The following NTRK1 variants were observed in gnomAD, a reference collection of about 807,000 sequenced individuals.
The protein encoded by NTRK1 is high affinity nerve growth factor receptor.
Under a neutral mutation model 86.8 loss-of-function variants are expected in NTRK1, and 62 were observed. The observed-to-expected ratio is 0.71, with a 90% confidence interval of 0.58 to 0.88. The LOEUF (loss-of-function observed/expected upper bound fraction) is 0.88. Among genes scored for constraint, NTRK1 ranks in the 40% least tolerant of loss-of-function variants. The probability of loss-of-function intolerance (pLI) is 0.00; values close to 1 mark genes in which losing one functional copy is unlikely to be tolerated. For synonymous variants in NTRK1, 469 were observed against 456.6 expected (o/e 1.03, Z -0.35); for missense variants, 967 against 1,078.4 (o/e 0.90, Z 1.45).
intron 2 of NTRK1, chr1:156,849,560 C>A: frequency 2.3e-6 from 2 of 859,670 alleles, no homozygotes; most frequent in Non-Finnish European, 3.7e-6. Context: ...TTGCTGGGCC[C>A]GGGGAGAGGG....
At chr1:156,821,005 A>G (rs1654173910) in intron 1 of NTRK1, among the ~76,000 whole-genome samples, 1 of 152,130 alleles carries the variant, frequency 6.6e-6, no homozygotes, top group African/African-American at 2.4e-5. Context: ...TTTTCTTTGT[A>G]GAGTTCCTTG....
At chr1:156,877,977 G>C (rs1648019087) in intron 14 of NTRK1, among the ~76,000 whole-genome samples, 1 of 152,180 alleles carries the variant, frequency 6.6e-6, no homozygotes. Flanking sequence ...CTATCTCTTT[G>C]CTCCCAGACA....
chr1:156,850,088 G>C (rs770811860), intron 2 of NTRK1, among the ~76,000 whole-genome samples: 9 of 152,082 alleles, frequency 5.9e-5, no homozygotes, highest in Admixed American at 2.6e-4. Flanking sequence ...TTTTTATAGA[G>C]ACAGAGTTTC....
At chr1:156,816,736 G>A in intron 1 of NTRK1, 1 of 1,586,528 alleles carries the variant, frequency 6.3e-7, no homozygotes, top group Non-Finnish European at 8.6e-7. Flanking sequence ...GGATCCCAGA[G>A]CAGGGTGTGT....
At chr1:156,874,509 G>A (rs1647771307) in intron 9 of NTRK1, 62 bp from the exon 10 acceptor site, 2 of 1,612,408 alleles carry the variant, frequency 1.2e-6, no homozygotes, top group African/African-American at 1.3e-5. Context: ...GCCAGGGTTG[G>A]GGGGTTACTG....
chr1:156,859,432 A>G (rs947765794), upstream of NTRK1, among the ~76,000 whole-genome samples: 1 of 151,890 alleles, frequency 6.6e-6, no homozygotes. This position sits in a 1 kb window ranked among gnomAD's most constrained non-coding sequence, Gnocchi z 6.2. Flanking sequence ...GCTTCTGGGG[A>G]GCGCTGTGTC....
chr1:156,850,276 A>C (rs958588297), intron 2 of NTRK1, among the ~76,000 whole-genome samples: 2 of 152,028 alleles, frequency 1.3e-5, no homozygotes, highest in Non-Finnish European at 2.9e-5. Context: ...TAGTGGCACG[A>C]TCTCAGCTCA....
intron 6 of NTRK1, among the ~76,000 whole-genome samples, chr1:156,871,254 T>C (rs1010481223): frequency 6.6e-6 from 1 of 152,206 alleles, no homozygotes; most frequent in African/African-American, 2.4e-5. Context: ...ATTTTTCAGA[T>C]AATTAAATAC....
intron 1 of NTRK1, among the ~76,000 whole-genome samples, chr1:156,818,658 TC>T (rs1392169537): frequency 2.0e-5 from 3 of 152,232 alleles, no homozygotes; most frequent in African/African-American, 7.2e-5. Context: ...ATTATTTCGT[TC>T]TTTTTTTGGC....
At chr1:156,867,368 C>T (rs1445765237) in intron 4 of NTRK1, among the ~76,000 whole-genome samples, 2 of 152,244 alleles carry the variant, frequency 1.3e-5, no homozygotes, top group Non-Finnish European at 2.9e-5. Context: ...CCCTTCCCTC[C>T]TTGTCACCAT....
intron 8 of NTRK1, 150 bp downstream of exon 8, chr1:156,874,109 C>T (rs1647745757): frequency 3.3e-6 from 3 of 919,878 alleles, no homozygotes; most frequent in East Asian, 5.3e-5. Flanking sequence ...GTTCTGGCCT[C>T]CTTACCCTCT....
At chr1:156,863,556 C>T (rs1655782479) in intron 1 of NTRK1, among the ~76,000 whole-genome samples, 2 of 152,192 alleles carry the variant, frequency 1.3e-5, no homozygotes, top group South Asian at 4.2e-4. Context: ...GCCTGTAAGA[C>T]TCTTGCTTGA....
Position 156,868,264 on chromosome 1 carries a change from AG to A in NTRK1, c.574+18del. 6.2e-7 allele frequency: 1 copy of A among 1,606,030 alleles called. No homozygotes were observed. ...TGCCAGCTGTGGTAGGTGCCGGGTG[AG>A]GGAGGTGGTGTAAGGGGGCTGGGGA... On this transcript the variant is annotated intron_variant, in intron 5 of 16. Transcript: ENST00000524377.
rs374374158 is a variant in NTRK1 at position 156,816,128 on chromosome 1, A to G, written c.-64+290A>G. The G allele has an allele frequency of 2.2e-5, 35 of 1,592,680 alleles. No individual in the cohort carries two copies. The African/African-American group carries it at 4.6e-4, about 21-fold the overall frequency. ...ACAAAGAGGGCTGCCGGGGTTTCTC[A>G]GAGAGGAACTATGTCTGTCTCTGCC... On this transcript the variant is annotated intron_variant, in intron 1 of 16. Coordinates refer to the NTRK1 transcript ENST00000392302.
chr1:156,820,546 C>A (rs915497461), intron 1 of NTRK1, among the ~76,000 whole-genome samples: 3 of 152,140 alleles, frequency 2.0e-5, no homozygotes, highest in African/African-American at 4.8e-5. Flanking sequence ...CACATCCAGC[C>A]CCCCCAATGT....
intron 2 of NTRK1, chr1:156,849,387 TG>T (rs1347755226): frequency 6.8e-6 from 11 of 1,612,754 alleles, no homozygotes; most frequent in Non-Finnish European, 8.5e-6. Flanking sequence ...CCCACGGGAA[TG>T]GTGAGCCCCG....
intron 4 of NTRK1, among the ~76,000 whole-genome samples, chr1:156,867,747 C>T (rs1051569314): frequency 3.3e-5 from 5 of 151,832 alleles, no homozygotes; most frequent in African/African-American, 9.7e-5. Context: ...CATCTCGGCT[C>T]ACTGCAAGCT....
chr1:156,843,921 C>A (rs1286138553), intron 2 of NTRK1, among the ~76,000 whole-genome samples: 1 of 152,224 alleles, frequency 6.6e-6, no homozygotes, highest in Non-Finnish European at 1.5e-5. Context: ...GACCAACAAT[C>A]CCAGTGTGGC....
In NTRK1 at chr1:156,821,453, C is replaced by CTGTGTGTGTGTG. The variant is rs59579534; in HGVS notation, c.-64+5645_-64+5656dup. On this transcript the variant is annotated intron_variant, in intron 1 of 16. Coordinates refer to the NTRK1 transcript ENST00000392302. ...CCCCTCAGAGGCCCCCTAATTTAGC[C>CTGTGTGTGTGTG]TGTGTGTGTGTGTGTGTGTGTGTGT... 2.3e-3 allele frequency among the ~76,000 whole-genome samples: 311 copies of CTGTGTGTGTGTG among 137,998 alleles called. 3 individuals carry two copies. Among genetic ancestry groups the CTGTGTGTGTGTG allele is most frequent in the African/African-American group, 8.1e-3 (293 of 36,028 alleles). 90.5% of individuals were successfully genotyped at this position (137,998 alleles called of 152,430 possible). A position where few individuals can be genotyped will look rare whatever the true frequency, so the allele number is the denominator to read the frequency against.
Sources: allele counts gnomAD v4.1 joint callset (sites outside exome capture counted in the v4.1 genomes callset), GRCh38; gene constraint gnomAD v4.1.1; non-coding constraint Gnocchi (gnomAD v3.1); transcripts MANE v1.5; gene names NCBI Gene and HGNC (gene_info 2026-07-23, HGNC 2026-07-21).